The following PIK3C2G variants were observed in gnomAD, a reference collection of about 807,000 sequenced individuals.
PIK3C2G encodes the protein phosphatidylinositol-4-phosphate 3-kinase catalytic subunit type 2 gamma.
Under a neutral mutation model 181.1 loss-of-function variants are expected in PIK3C2G, and 168 were observed. The observed-to-expected ratio is 0.93, with a 90% CI of 0.82 to 1.05. The LOEUF is 1.05. Among genes scored for constraint, PIK3C2G ranks in the 50% least tolerant of loss-of-function variants. The pLI is 0.00. For synonymous variants in PIK3C2G, 573 were observed against 592.2 expected (o/e 0.97, Z 0.47); for missense variants, 1,869 against 1,732.8 (o/e 1.08, Z -1.40).
chr12:18,443,675 C>A (rs1018056802), intron 18 of PIK3C2G, among the ~76,000 whole-genome samples: 1 of 152,062 alleles, frequency 6.6e-6, no homozygotes, highest in Admixed American at 6.6e-5. Context: ...ACAGAAAATT[C>A]TTTCACGGAA....
At chr12:18,596,567 A>C (rs1947376812) in intron 30 of PIK3C2G, among the ~76,000 whole-genome samples, 1 of 152,160 alleles carries the variant, frequency 6.6e-6, no homozygotes, top group South Asian at 2.1e-4. Context: ...AGGTACAGAA[A>C]TAATAACATA....
intron 26 of PIK3C2G, among the ~76,000 whole-genome samples, chr12:18,551,398 A>T (rs1345494957): frequency 6.6e-6 from 1 of 152,010 alleles, no homozygotes; most frequent in East Asian, 1.9e-4. Flanking sequence ...TATTTCACAG[A>T]CCAGACTGGG....
intron 15 of PIK3C2G, among the ~76,000 whole-genome samples, chr12:18,397,105 A>C (rs1943938720): frequency 6.6e-6 from 1 of 151,968 alleles, no homozygotes; most frequent in African/African-American, 2.4e-5. Context: ...ATGTAGATAG[A>C]ATAGAAAGCC....
intron 31 of PIK3C2G, among the ~76,000 whole-genome samples, chr12:18,629,376 T>G (rs1949246498): frequency 6.6e-6 from 1 of 152,106 alleles, no homozygotes; most frequent in Non-Finnish European, 1.5e-5. Context: ...TTTAAGAACT[T>G]CTTGTGCTCA....
At position 18,321,013 on chromosome 12, in the gene PIK3C2G, C is replaced by T; in HGVS notation, c.1189C>T (p.His397Tyr). Residue 397 changes from histidine to tyrosine, a missense_variant, in exon 7 of 33, where the codon CAT (histidine) becomes TAT (tyrosine). His to Tyr is a moderately conservative substitution (Grantham distance 83, BLOSUM62 2). Coordinates refer to ENST00000538779, the MANE Select transcript of PIK3C2G (RefSeq NM_001288772.2). The part of the protein sequence containing the change: ...FYLNQLLEFM[H>Y]IWKVSRQCLL... ...TCTGAATCAACTTCTAGAATTTATG[C>T]ATATTTGGAAAGTATCCAGGTAAGA... is the stretch of plus-strand genomic sequence containing the variant. 1 of 1,554,202 alleles carries T rather than the reference C, an allele frequency of 6.4e-7. No individual in the cohort carries two copies. Among genetic ancestry groups the T allele is most frequent in the Non-Finnish European group, 8.8e-7 (1 of 1,130,414 alleles).
intron 30 of PIK3C2G, among the ~76,000 whole-genome samples, chr12:18,596,275 C>T (rs899683188): frequency 4.5e-4 from 68 of 151,876 alleles, no homozygotes; most frequent in African/African-American, 1.4e-3. Context: ...TCAGGGTCTC[C>T]GAACTGCTAA....
chr12:18,584,555 A>G (rs1417293149), intron 29 of PIK3C2G, among the ~76,000 whole-genome samples: 1 of 152,180 alleles, frequency 6.6e-6, no homozygotes, highest in East Asian at 1.9e-4. Flanking sequence ...TAAAGAAGCC[A>G]AATCTATGAA....
intron 24 of PIK3C2G, among the ~76,000 whole-genome samples, chr12:18,537,051 C>T (rs1217674219): frequency 1.3e-5 from 2 of 151,848 alleles, no homozygotes; most frequent in Admixed American, 6.6e-5. Context: ...AAGATTTTGC[C>T]TGCAATTAGA....
chr12:18,624,659 A>G (rs926729324), intron 31 of PIK3C2G, among the ~76,000 whole-genome samples: 6 of 151,626 alleles, frequency 4.0e-5, no homozygotes, highest in Admixed American at 3.3e-4. Context: ...CAGTGAAGGC[A>G]TCAGGTCCTG....
intron 18 of PIK3C2G, among the ~76,000 whole-genome samples, chr12:18,459,127 A>C (rs1162883911): frequency 9.2e-5 from 14 of 152,208 alleles, no homozygotes; most frequent in Admixed American, 4.6e-4. Context: ...ACTGACTCTT[A>C]TTAAAATCTA....
the PIK3C2G span, among the ~76,000 whole-genome samples, chr12:18,695,304 C>T: frequency 3.9e-5 from 6 of 152,090 alleles, no homozygotes; most frequent in Non-Finnish European, 7.4e-5. Context: ...AATTACTACA[C>T]AGCTTTGAGT....
chr12:18,597,848 C>G, intron 30 of PIK3C2G, among the ~76,000 whole-genome samples: 1 of 151,930 alleles, frequency 6.6e-6, no homozygotes, highest in Admixed American at 6.6e-5. Context: ...TTCTTATACA[C>G]CAATAACAGA....
chr12:18,654,175 G>A, the PIK3C2G span, among the ~76,000 whole-genome samples: 1 of 151,944 alleles, frequency 6.6e-6, no homozygotes, highest in East Asian at 1.9e-4. Context: ...CTAGTAGCTG[G>A]AAGAGATAAC....
intron 28 of PIK3C2G, among the ~76,000 whole-genome samples, chr12:18,566,547 GT>G (rs1426080639): frequency 6.6e-6 from 1 of 152,148 alleles, no homozygotes; most frequent in Non-Finnish European, 1.5e-5. Flanking sequence ...GCTTAATTTA[GT>G]TAGTGTAATG....
chr12:18,386,051 G>C (rs1288250424), intron 14 of PIK3C2G, among the ~76,000 whole-genome samples: 1 of 151,950 alleles, frequency 6.6e-6, no homozygotes, highest in Non-Finnish European at 1.5e-5. Context: ...TCTTCAAAGA[G>C]ACTGAACTTT....
At chr12:18,279,591 G>C (rs1014666811) in intron 1 of PIK3C2G, among the ~76,000 whole-genome samples, 3 of 151,934 alleles carry the variant, frequency 2.0e-5, no homozygotes, top group Non-Finnish European at 4.4e-5. Context: ...GAGTGGAACA[G>C]AATATTAAGT....
At chr12:18,397,111 A>G (rs61914533) in intron 15 of PIK3C2G, among the ~76,000 whole-genome samples, 19,635 of 151,924 alleles carry the variant, frequency 0.13, 1,316 homozygotes, top group African/African-American at 0.16. Context: ...ATAGAATAGA[A>G]AGCCAGAGAC....
chr12:18,563,543 C>T, intron 28 of PIK3C2G, 45 bp downstream of exon 28: 1 of 1,586,486 alleles, frequency 6.3e-7, no homozygotes, highest in Non-Finnish European at 8.6e-7. Context: ...AGTACTTGTC[C>T]TTGAGCAAAA....
intron 31 of PIK3C2G, among the ~76,000 whole-genome samples, chr12:18,622,444 A>T (rs1046211645): frequency 2.0e-5 from 3 of 152,010 alleles, no homozygotes; most frequent in Middle Eastern, 3.4e-3. Context: ...CATTTTCTTT[A>T]TCCATTCATT....
Sources: allele counts gnomAD v4.1 joint callset (sites outside exome capture counted in the v4.1 genomes callset), GRCh38; gene constraint gnomAD v4.1.1; transcripts MANE v1.5; gene names NCBI Gene and HGNC (gene_info 2026-07-23, HGNC 2026-07-21).